The following TNR variants were observed in gnomAD, a reference collection of about 807,000 sequenced individuals.
The protein encoded by TNR is tenascin-R.
Under a neutral mutation model 150.4 loss-of-function variants are expected in TNR, and 45 were observed. The observed-to-expected ratio is 0.30, with a 90% confidence interval of 0.24 to 0.38. The LOEUF (loss-of-function observed/expected upper bound fraction) is 0.38, where lower values mean the gene tolerates loss of function less well. TNR is among the 10% of genes least tolerant of loss of function. TNR has a pLI of 1.00. For missense variants in TNR, 1,544 were observed against 1,759.1 expected (o/e 0.88, Z 2.19); for synonymous variants, 687 against 678.4 (o/e 1.01, Z -0.20).
rs115138345 is a variant in TNR at position 175,506,065 on chromosome 1, A to G, written c.-64+22204T>C. On this transcript the variant is annotated intron_variant, in intron 2 of 22. Transcript: ENST00000367674. ...AGAAACAACAGATGAAATGGATTCT[A>G]TAAATGATGAGCACAATAATTACCT... 5.3e-3 allele frequency among the ~76,000 whole-genome samples: 811 copies of G among 152,332 alleles called. 8 individuals carry two copies. The highest frequency in any genetic ancestry group is 0.018 in the African/African-American group (750 of 41,576).
intron 1 of TNR, among the ~76,000 whole-genome samples, chr1:175,612,563 C>G (rs73050464): frequency 6.6e-6 from 1 of 152,274 alleles, no homozygotes; most frequent in African/African-American, 2.4e-5. Context: ...TTTTTCTTCC[C>G]CCTGAGAACT....
chr1:175,428,951 T>TA (rs5778852), intron 2 of TNR, among the ~76,000 whole-genome samples: 115,562 of 152,086 alleles, frequency 0.76, 45,141 homozygotes, highest in African/African-American at 0.94. Flanking sequence ...CCTGAAAAAT[T>TA]GGCACCCCTC....
intron 1 of TNR, among the ~76,000 whole-genome samples, chr1:175,556,365 G>A (rs989738429): frequency 6.6e-6 from 1 of 152,228 alleles, no homozygotes; most frequent in African/African-American, 2.4e-5. Flanking sequence ...TAAAGGACTG[G>A]TATACTGCCT....
At chr1:175,574,031 G>GT (rs974057534) in intron 1 of TNR, among the ~76,000 whole-genome samples, 1 of 152,206 alleles carries the variant, frequency 6.6e-6, no homozygotes, top group African/African-American at 2.4e-5. Flanking sequence ...GATCCCAGTT[G>GT]TTTTTTATCT....
At chr1:175,451,129 G>A (rs1656289928) in intron 2 of TNR, among the ~76,000 whole-genome samples, 1 of 151,572 alleles carries the variant, frequency 6.6e-6, no homozygotes, top group Admixed American at 6.6e-5. Context: ...TGATAATCTG[G>A]CCCAATTGCC....
At chr1:175,692,863 T>C (rs1159591845) in intron 1 of TNR, among the ~76,000 whole-genome samples, 2 of 152,166 alleles carry the variant, frequency 1.3e-5, no homozygotes, top group Admixed American at 6.5e-5. Flanking sequence ...TGAGGACGTA[T>C]GCAGGGAGAC....
intron 10 of TNR, 93 bp downstream of exon 10, chr1:175,367,115 G>T: frequency 9.0e-7 from 1 of 1,108,848 alleles, no homozygotes. Flanking sequence ...GGAAGACATT[G>T]CTTTCTGATT....
intron 2 of TNR, among the ~76,000 whole-genome samples, chr1:175,495,242 A>G (rs1658436850): frequency 6.6e-6 from 1 of 152,210 alleles, no homozygotes; most frequent in South Asian, 2.1e-4. Context: ...CTCAGTGCAA[A>G]GAGCTACGGG....
chr1:175,701,075 G>GT (rs1447827570), intron 1 of TNR, among the ~76,000 whole-genome samples: 1 of 152,134 alleles, frequency 6.6e-6, no homozygotes, highest in Non-Finnish European at 1.5e-5. Flanking sequence ...TATCATTTTT[G>GT]TGCTACCTCT....
At chr1:175,518,563 C>T (rs1280923773) in intron 2 of TNR, among the ~76,000 whole-genome samples, 1 of 152,186 alleles carries the variant, frequency 6.6e-6, no homozygotes, top group African/African-American at 2.4e-5. Context: ...TCATTACTTT[C>T]CTGGTCACCC....
intron 1 of TNR, among the ~76,000 whole-genome samples, chr1:175,677,445 G>T (rs1261159057): frequency 6.6e-6 from 1 of 152,176 alleles, no homozygotes; most frequent in African/African-American, 2.4e-5. Flanking sequence ...AGCCACAGGA[G>T]GGAGAAGTCA....
chr1:175,368,849 T>C (rs571682597), intron 9 of TNR, among the ~76,000 whole-genome samples: 7 of 152,298 alleles, frequency 4.6e-5, no homozygotes, highest in African/African-American at 1.7e-4. Flanking sequence ...TTTGTGAGGC[T>C]GAGGCAGGAG....
At chr1:175,425,986 G>C (rs1015638184) in intron 2 of TNR, among the ~76,000 whole-genome samples, 4 of 152,144 alleles carry the variant, frequency 2.6e-5, no homozygotes, top group Admixed American at 2.6e-4. Flanking sequence ...GTAAGGCCAG[G>C]GTTCTTTAAA....
intron 2 of TNR, among the ~76,000 whole-genome samples, chr1:175,427,127 T>A (rs1267476951): frequency 6.6e-5 from 10 of 150,890 alleles, no homozygotes; most frequent in Non-Finnish European, 1.3e-4. Flanking sequence ...ATTTATTTGT[T>A]CTATTCTCCT....
chr1:175,417,039 G>GAAAGAAAGAAAGAAAGAA (rs1654510571), intron 2 of TNR, among the ~76,000 whole-genome samples: 1 of 99,510 alleles, frequency 1.0e-5, no homozygotes, highest in Non-Finnish European at 2.2e-5. Flanking sequence ...AAGAAAGAAA[G>GAAAGAAAGAAAGAAAGAA]AAAGAAAGAA....
At chr1:175,575,490 A>G in intron 1 of TNR, among the ~76,000 whole-genome samples, 1 of 152,236 alleles carries the variant, frequency 6.6e-6, no homozygotes, top group Non-Finnish European at 1.5e-5. Context: ...AGCCTGGTTG[A>G]CGAACACATG....
intron 1 of TNR, among the ~76,000 whole-genome samples, chr1:175,695,628 C>A (rs115377311): frequency 0.015 from 2,276 of 152,276 alleles, 69 homozygotes; most frequent in African/African-American, 0.051. Context: ...TCCTTAAACC[C>A]CTCTTTCTAG....
rs1340242763 is a variant in TNR at position 175,426,836 on chromosome 1, TTA to T, written c.-63-20061_-63-20060del. 5.5e-4 allele frequency among the ~76,000 whole-genome samples: 60 copies of T among 108,332 alleles called. 2 individuals carry two copies. Among genetic ancestry groups the T allele is most frequent in the Non-Finnish European group, 7.9e-4 (45 of 56,678 alleles). 71.1% of individuals were successfully genotyped at this position (108,332 alleles called of 152,430 possible). On this transcript the variant is annotated intron_variant, in intron 2 of 22. Transcript: ENST00000367674. The stretch of plus-strand genomic sequence containing the variant: ...AAAATATAAATATATATAAAATATA[TTA>T]TATATATAAAATATAAATATATATA...
intron 2 of TNR, among the ~76,000 whole-genome samples, chr1:175,428,626 G>GT (rs1248433872): frequency 1.3e-5 from 2 of 152,152 alleles, no homozygotes; most frequent in Non-Finnish European, 2.9e-5. Flanking sequence ...ATCAACATAT[G>GT]TTTTTTGAGC....
Sources: gnomAD v4.1 joint callset for allele counts (sites outside exome capture counted in the v4.1 genomes callset) on GRCh38, gnomAD v4.1.1 for gene constraint, MANE v1.5 for transcripts, NCBI Gene and HGNC (gene_info 2026-07-23, HGNC 2026-07-21) for gene names.